The following MMD2 variants were observed in gnomAD, a reference collection of about 807,000 sequenced individuals.
MMD2 encodes monocyte to macrophage differentiation associated 2.
Under a neutral mutation model 33.5 loss-of-function variants are expected in MMD2, and 30 were observed. The ratio of observed to expected loss-of-function variants is 0.90; its 90% CI spans 0.67 to 1.22. MMD2 has a LOEUF of 1.22. Among genes scored for constraint, MMD2 ranks in the 50% most tolerant of loss-of-function variants. The pLI, the probability that MMD2 is intolerant of heterozygous loss-of-function variation, is 0.00. For synonymous variants in MMD2, 129 were observed against 123.0 expected (o/e 1.05, Z -0.32); for missense variants, 364 against 325.4 (o/e 1.12, Z -0.91).
chr7:4,932,662 G>C (rs1025054575), intron 1 of MMD2, among the ~76,000 whole-genome samples: 1 of 148,572 alleles, frequency 6.7e-6, no homozygotes, highest in Non-Finnish European at 1.5e-5. Flanking sequence ...TTGCTCTGTC[G>C]CCCAGACTGA....
intron 6 of MMD2, 105 bp downstream of exon 6, chr7:4,909,776 C>T (rs1039240868): frequency 1.1e-5 from 16 of 1,478,312 alleles, no homozygotes; most frequent in South Asian, 2.4e-5. Flanking sequence ...TCAGTTTCCC[C>T]GCCTGCCAAA....
chr7:4,956,950 G>C (rs573207543), intron 1 of MMD2, among the ~76,000 whole-genome samples: 2 of 151,754 alleles, frequency 1.3e-5, no homozygotes, highest in East Asian at 3.9e-4. Flanking sequence ...AGGATCACTT[G>C]AGCCCAGGAG....
At chr7:4,893,305 C>G in the MMD2 span, among the ~76,000 whole-genome samples, 3 of 152,004 alleles carry the variant, frequency 2.0e-5, no homozygotes, top group African/African-American at 7.2e-5. Context: ...AAAAGAATGA[C>G]TACTCCATAG....
intron 6 of MMD2, chr7:4,909,607 T>TC: frequency 5.2e-6 from 1 of 193,622 alleles, no homozygotes; most frequent in East Asian, 1.2e-4. Flanking sequence ...ATCTGGCTAA[T>TC]TTTTTTTTTT....
intron 1 of MMD2, among the ~76,000 whole-genome samples, chr7:4,947,218 A>G (rs911852225): frequency 2.6e-5 from 4 of 151,986 alleles, no homozygotes. Context: ...AAACAAAAGA[A>G]AAAAGAAAGA....
Position 4,909,907 on chromosome 7 carries a change from A to C in MMD2, c.511T>G (p.Phe171Val). 6.2e-7 allele frequency: 1 copy of C among 1,613,896 alleles called. No homozygotes were observed. The highest frequency in any genetic ancestry group is 1.1e-5 in the South Asian group (1 of 91,058). The change falls in exon 6 of 7, where the codon TTC becomes GTC. Residue 171 changes from phenylalanine (F) to valine (V), a missense_variant. Physicochemically the swap from Phe to Val is conservative, Grantham distance 50. Transcript: ENST00000401401. Reference sequence around the variant, plus strand: ...ATGGAGAGGATGACCAGGGCGGGGAAGAAGCCCATTACGACGTAGCAGAGA... The same window carrying C: ...ATGGAGAGGATGACCAGGGCGGGGACGAAGCCCATTACGACGTAGCAGAGA... Reference protein sequence around the residue: ...ELLCYVVMGFFPALVILSMPN... With the variant: ...ELLCYVVMGFVPALVILSMPN...
the MMD2 span, among the ~76,000 whole-genome samples, chr7:4,899,964 G>A: frequency 6.6e-6 from 1 of 152,178 alleles, no homozygotes; most frequent in East Asian, 1.9e-4. Flanking sequence ...AGAGAAAGTT[G>A]TCAGGACAAG....
the MMD2 span, among the ~76,000 whole-genome samples, chr7:4,898,494 T>C: frequency 6.6e-6 from 1 of 152,130 alleles, no homozygotes; most frequent in Non-Finnish European, 1.5e-5. Context: ...TGGGATGGGA[T>C]AGGATAGGGT....
rs556380973 is a variant in MMD2, at chr7:4,951,317, G to A, written c.47+7654C>T. 1.9e-3 allele frequency among the ~76,000 whole-genome samples: 293 copies of A among 152,116 alleles called. 1 individual carries two copies. Among genetic ancestry groups the A allele is most frequent in the Non-Finnish European group, 3.2e-3 (221 of 68,010 alleles). ...CCTCAGTTTAAAAGCCCTTAATGGT[G>A]CCATAGAGCCCATGGAACAGTGGTC... On this transcript the variant is annotated intron_variant, in intron 1 of 6. Transcript: ENST00000401401.
intron 1 of MMD2, among the ~76,000 whole-genome samples, chr7:4,953,120 G>T (rs1786293809): frequency 6.6e-6 from 1 of 151,850 alleles, no homozygotes; most frequent in East Asian, 1.9e-4. Flanking sequence ...GCCCAGCCAA[G>T]GAAGTCATCT....
rs1035933364 is a variant in MMD2, at chr7:4,938,633, C to T, written c.48-13101G>A. On this transcript the variant is annotated intron_variant, in intron 1 of 6. Coordinates refer to ENST00000401401, the MANE Select transcript of MMD2 (RefSeq NM_198403.4). ...ATAAGTTTTCGAAGAGACAAACATTCGAAACACAGCAAGGGGCAAGGCCAG... is the reference window on the plus strand; with the variant it reads ...ATAAGTTTTCGAAGAGACAAACATTTGAAACACAGCAAGGGGCAAGGCCAG... Among the ~76,000 whole-genome samples, 3 of 151,960 alleles carry T rather than the reference C, an allele frequency of 2.0e-5. No homozygotes were observed. In the South Asian group the frequency reaches 6.2e-4, roughly 32 times the overall value.
At chr7:4,937,382 G>C (rs565696489) in intron 1 of MMD2, among the ~76,000 whole-genome samples, 72 of 150,836 alleles carry the variant, frequency 4.8e-4, no homozygotes, top group African/African-American at 1.3e-3. Context: ...GGGCAACAGA[G>C]AGAGACTCTG....
chr7:4,902,670 G>A (rs1316243515), downstream of MMD2, among the ~76,000 whole-genome samples: 1 of 152,210 alleles, frequency 6.6e-6, no homozygotes, highest in Non-Finnish European at 1.5e-5. Flanking sequence ...AGTGGGTGCT[G>A]GAATTGTCAC....
chr7:4,926,820 C>T (rs1008408509), intron 1 of MMD2, among the ~76,000 whole-genome samples: 2 of 152,006 alleles, frequency 1.3e-5, no homozygotes, highest in Non-Finnish European at 2.9e-5. Context: ...TCTCGGCTCA[C>T]AGCAAGCTCC....
At chr7:4,943,852 A>G (rs1486703508) in intron 1 of MMD2, among the ~76,000 whole-genome samples, 1 of 151,908 alleles carries the variant, frequency 6.6e-6, no homozygotes, top group Middle Eastern at 3.2e-3. Flanking sequence ...CTCAGGCTAG[A>G]GTGCAGTGGC....
chr7:4,914,039 G>T (rs908181351), intron 4 of MMD2, among the ~76,000 whole-genome samples: 1 of 152,112 alleles, frequency 6.6e-6, no homozygotes, highest in African/African-American at 2.4e-5. Context: ...AGGCTGGAGT[G>T]CAGTGGCACA....
intron 6 of MMD2, chr7:4,909,605 A>C (rs1183449228): frequency 4.8e-6 from 3 of 628,018 alleles, no homozygotes; most frequent in Non-Finnish European, 8.6e-6. Flanking sequence ...ACATCTGGCT[A>C]ATTTTTTTTT....
intron 5 of MMD2, 122 bp from the exon 6 acceptor site, chr7:4,910,072 T>TTTCTCTGTCCAGCACGCC: frequency 6.2e-7 from 1 of 1,605,788 alleles, no homozygotes; most frequent in Non-Finnish European, 8.5e-7. Flanking sequence ...GAAAGGACGC[T>TTTCTCTGTCCAGCACGCC]TTCTCTGTCC....
At chr7:4,921,909 G>C (rs189762483) in intron 2 of MMD2, among the ~76,000 whole-genome samples, 5 of 152,024 alleles carry the variant, frequency 3.3e-5, no homozygotes, top group Admixed American at 1.3e-4. Context: ...CCTTGCTGTA[G>C]GGGATGGAAT....
Sources: allele counts gnomAD v4.1 joint callset (sites outside exome capture counted in the v4.1 genomes callset), GRCh38; gene constraint gnomAD v4.1.1; transcripts MANE v1.5; gene names NCBI Gene and HGNC (gene_info 2026-07-23, HGNC 2026-07-21).